The following CAPZB variants were observed in gnomAD, a reference collection of about 807,000 sequenced individuals.
CAPZB encodes the protein F-actin-capping protein subunit beta.
In CAPZB, 2 loss-of-function variants were observed where a neutral mutation model predicts 38.1. The observed-to-expected ratio is 0.05, with a 90% CI of 0.02 to 0.17. The LOEUF (loss-of-function observed/expected upper bound fraction) is 0.17. Among genes scored for constraint, CAPZB ranks in the 10% least tolerant of loss-of-function variants. The pLI is 1.00. For missense variants in CAPZB, 161 were observed against 334.2 expected, an observed-to-expected ratio of 0.48 and a Z score of 4.04; for synonymous variants, 107 against 127.4, an observed-to-expected ratio of 0.84 and a Z score of 1.08.
At chr1:19,453,124 TTTAACATAAA>T (rs1375921645) in intron 1 of CAPZB, among the ~76,000 whole-genome samples, 2 of 151,896 alleles carry the variant, frequency 1.3e-5, no homozygotes, top group African/African-American at 4.8e-5. Context: ...AATAATTTAT[TTTAACATAAA>T]TAAAGTCATC....
intron 1 of CAPZB, among the ~76,000 whole-genome samples, chr1:19,463,235 G>A (rs2094558009): frequency 6.6e-6 from 1 of 152,158 alleles, no homozygotes; most frequent in African/African-American, 2.4e-5. Context: ...GGGTCTGAGG[G>A]CAGGTGAGAG....
In CAPZB at chr1:19,443,490, C is replaced by T. The variant is rs572878956; in HGVS notation, c.4-23740G>A. ...AGCCACGGCAGCACCACTGGACTTA[C>T]GGCCTGGCTTTAGGGAGACCTCAGA... On this transcript the variant is annotated intron_variant, in intron 1 of 8. Coordinates refer to ENST00000264202, the MANE Select transcript of CAPZB (RefSeq NM_004930.5). Among the ~76,000 whole-genome samples the T allele has an allele frequency of 3.9e-5, 6 of 152,300 alleles. No individual in the cohort carries two copies. In the South Asian group the frequency reaches 6.2e-4, roughly 16 times the overall value.
intron 1 of CAPZB, among the ~76,000 whole-genome samples, chr1:19,481,540 T>C (rs1467124185): frequency 1.3e-5 from 2 of 152,226 alleles, no homozygotes; most frequent in Non-Finnish European, 2.9e-5. Context: ...GGGGCTGGGC[T>C]ATAACCTAAG....
chr1:19,401,167 G>C (rs1156342930), intron 2 of CAPZB, among the ~76,000 whole-genome samples: 1 of 150,040 alleles, frequency 6.7e-6, no homozygotes, highest in South Asian at 2.1e-4. Context: ...ATTCCTAAGA[G>C]ACTTAAATTT....
chr1:19,343,195 G>A (rs2093941990), intron 8 of CAPZB, among the ~76,000 whole-genome samples: 3 of 152,210 alleles, frequency 2.0e-5, no homozygotes, highest in Admixed American at 2.0e-4. Flanking sequence ...CAGGCCTAAC[G>A]CCAGGGACCA....
rs1203123029 is a variant in CAPZB, at chr1:19,449,799, A to AG, written c.4-30050_4-30049insC. 2.1e-4 allele frequency among the ~76,000 whole-genome samples: 31 copies of AG among 150,552 alleles called. No homozygotes were observed. In the East Asian group the frequency reaches 5.1e-3, roughly 25 times the overall value. On this transcript the variant is annotated intron_variant, in intron 1 of 8. Coordinates refer to ENST00000264202, the MANE Select transcript of CAPZB (RefSeq NM_004930.5). ...AGTCTGTCTCAAAAAAAAAAAAAAAAAGAGAGAGACAGAGAGAAAGAAAGA... is the reference window on the plus strand; with the variant it reads ...AGTCTGTCTCAAAAAAAAAAAAAAAAGAGAGAGAGACAGAGAGAAAGAAAGA...
chr1:19,385,240 G>A lies in CAPZB; in HGVS notation c.215+265C>T, dbSNP rs576190678. Among the ~76,000 whole-genome samples, 276 of 152,322 alleles carry A rather than the reference G, an allele frequency of 1.8e-3. 3 individuals are homozygous for A. Among genetic ancestry groups the A allele is most frequent in the Admixed American group, 8.8e-3 (134 of 15,302 alleles). ...TTAGACTGGAAGATCCATGAAGGCA[G>A]GGGGCCTTTGGTCCGCTGCTCTATC... On this transcript the variant is annotated intron_variant, in intron 3 of 8. Transcript: ENST00000264202.
chr1:19,450,695 C>T (rs1259816886), intron 1 of CAPZB, among the ~76,000 whole-genome samples: 13 of 152,154 alleles, frequency 8.5e-5, no homozygotes. Context: ...GGGCACAAGG[C>T]CCCAGGGAAG....
chr1:19,460,928 C>T (rs2094549426), intron 1 of CAPZB, among the ~76,000 whole-genome samples: 1 of 152,084 alleles, frequency 6.6e-6, no homozygotes, highest in Non-Finnish European at 1.5e-5. Context: ...GCACCAGGAG[C>T]TGTGCTGGCC....
chr1:19,340,041 G>C (rs2093919623), intron 8 of CAPZB, among the ~76,000 whole-genome samples: 1 of 152,316 alleles, frequency 6.6e-6, no homozygotes, highest in African/African-American at 2.4e-5. Context: ...GCTGGCTGGG[G>C]ACTCAGGCCA....
chr1:19,413,230 T>C (rs760193415), intron 2 of CAPZB, among the ~76,000 whole-genome samples: 7 of 152,224 alleles, frequency 4.6e-5, no homozygotes, highest in Non-Finnish European at 7.3e-5. Flanking sequence ...AAGGCTGCAC[T>C]TCTTCCCAGA....
rs749753567 is a variant in CAPZB at position 19,485,454 on chromosome 1, G to A, written c.-16C>T. ...CCTTTACCATGGTGGCGGCGGCGGCGGCGGTCCCGGTCCCGGCGTCAGTGG... is the reference window on the plus strand; with the variant it reads ...CCTTTACCATGGTGGCGGCGGCGGCAGCGGTCCCGGTCCCGGCGTCAGTGG... On this transcript the variant is annotated 5_prime_UTR_variant, in exon 1 of 9. Coordinates refer to ENST00000264202, the MANE Select transcript of CAPZB (RefSeq NM_004930.5). 105 of 1,230,760 alleles carry A rather than the reference G, an allele frequency of 8.5e-5. No individual in the cohort carries two copies. The highest frequency in any genetic ancestry group is 1.0e-4 in the Non-Finnish European group (103 of 987,820). 76.2% of individuals were successfully genotyped at this position (1,230,760 alleles called of 1,614,324 possible).
intron 3 of CAPZB, among the ~76,000 whole-genome samples, chr1:19,379,391 G>A (rs930109688): frequency 2.0e-5 from 3 of 152,098 alleles, no homozygotes; most frequent in Admixed American, 6.5e-5. Context: ...GAGCCACCGC[G>A]CCTGGCCATG....
intron 3 of CAPZB, 94 bp from the exon 4 acceptor site, chr1:19,378,747 C>T (rs2094156635): frequency 8.5e-6 from 6 of 709,762 alleles, no homozygotes; most frequent in East Asian, 2.6e-5. Context: ...TCTGAAATCT[C>T]GGAGGCAAAG....
intron 6 of CAPZB, among the ~76,000 whole-genome samples, chr1:19,350,431 T>C (rs1262964220): frequency 6.6e-6 from 1 of 152,254 alleles, no homozygotes; most frequent in Non-Finnish European, 1.5e-5. Flanking sequence ...TCTGGCATCC[T>C]CCTGGTCACC....
intron 1 of CAPZB, among the ~76,000 whole-genome samples, chr1:19,447,006 C>CA (rs968417547): frequency 3.3e-5 from 5 of 152,058 alleles, no homozygotes; most frequent in African/African-American, 1.2e-4. Context: ...ATTTTCCAAA[C>CA]AAAAAATACT....
intron 2 of CAPZB, among the ~76,000 whole-genome samples, chr1:19,392,739 C>T (rs549459697): frequency 5.9e-5 from 9 of 152,034 alleles, no homozygotes; most frequent in South Asian, 4.1e-4. Flanking sequence ...TGCAGTGAGC[C>T]GTGTTTGCAC....
intron 4 of CAPZB, among the ~76,000 whole-genome samples, chr1:19,372,015 C>T (rs1421329656): frequency 1.3e-5 from 2 of 152,246 alleles, no homozygotes; most frequent in Non-Finnish European, 2.9e-5. Context: ...CTGCTCCACT[C>T]CTGGAGAGGC....
intron 1 of CAPZB, among the ~76,000 whole-genome samples, chr1:19,455,220 T>A (rs1366854124): frequency 6.6e-6 from 1 of 152,114 alleles, no homozygotes; most frequent in Non-Finnish European, 1.5e-5. Flanking sequence ...ATCTAAAAAA[T>A]ATGAAAGGCC....
Sources: allele counts gnomAD v4.1 joint callset (sites outside exome capture counted in the v4.1 genomes callset), GRCh38; gene constraint gnomAD v4.1.1; transcripts MANE v1.5; gene names NCBI Gene and HGNC (gene_info 2026-07-23, HGNC 2026-07-21).